ACOT12: variants seen among roughly 807,000 people sequenced by gnomAD.
ACOT12 encodes the protein acetyl-coenzyme A thioesterase.
ACOT12 carries 51 observed loss-of-function variants against 67.7 expected under a neutral mutation model. The ratio of observed to expected loss-of-function variants is 0.75; its 90% CI spans 0.60 to 0.95. ACOT12 has a LOEUF of 0.95. ACOT12 is among the 40% of genes least tolerant of loss of function. The probability of loss-of-function intolerance (pLI) is 0.00; values close to 1 mark genes in which losing one functional copy is unlikely to be tolerated. For missense variants in ACOT12, 734 were observed against 708.1 expected, an observed-to-expected ratio of 1.04 and a Z score of -0.41; for synonymous variants, 251 against 244.6, an observed-to-expected ratio of 1.03 and a Z score of -0.24.
intron 3 of ACOT12, 45 bp from the exon 4 acceptor site, chr5:81,363,934 G>C (rs765440916): frequency 1.5e-6 from 2 of 1,374,444 alleles, no homozygotes; most frequent in South Asian, 3.4e-5. Flanking sequence ...GGCCAGTTCA[G>C]ATTTCAGCAT....
chr5:81,327,539 C>T (rs1758704410), downstream of ACOT12, among the ~76,000 whole-genome samples: 1 of 152,210 alleles, frequency 6.6e-6, no homozygotes. Context: ...CTCCCAGGTT[C>T]AAGCAATTCT....
intron 7 of ACOT12, among the ~76,000 whole-genome samples, chr5:81,345,564 T>C (rs1400334532): frequency 6.6e-6 from 1 of 151,998 alleles, no homozygotes; most frequent in Non-Finnish European, 1.5e-5. Flanking sequence ...CCATTATGAG[T>C]TGATTGACCA....
At chr5:81,377,413 C>G (rs1369690362) in intron 2 of ACOT12, among the ~76,000 whole-genome samples, 1 of 152,060 alleles carries the variant, frequency 6.6e-6, no homozygotes, top group East Asian at 1.9e-4. Context: ...GGAAGCATTC[C>G]CTTTGAAAAC....
the ACOT12 span, among the ~76,000 whole-genome samples, chr5:81,323,401 C>T: frequency 6.6e-6 from 1 of 152,218 alleles, no homozygotes; most frequent in Non-Finnish European, 1.5e-5. Context: ...GTCTGTTCCA[C>T]GTGTCTCTCT....
the ACOT12 span, chr5:81,311,087 C>G: frequency 2.2e-6 from 2 of 921,982 alleles, no homozygotes; most frequent in Non-Finnish European, 1.8e-6. Context: ...CCCTATGATC[C>G]TGGTCTAGCT....
intron 1 of ACOT12, among the ~76,000 whole-genome samples, chr5:81,389,194 G>A (rs759809404): frequency 2.0e-5 from 3 of 152,168 alleles, no homozygotes; most frequent in African/African-American, 7.2e-5. Flanking sequence ...GGAGGGGAAG[G>A]CCTGCTGAGC....
chr5:81,335,623 C>A, intron 12 of ACOT12, 145 bp downstream of exon 12: 1 of 1,016,584 alleles, frequency 9.8e-7, no homozygotes, highest in African/African-American at 1.6e-5. Context: ...CTCAGCCTCC[C>A]AAAGTGCTAT....
At chr5:81,343,710 T>C (rs1269746770) in intron 10 of ACOT12, 108 bp downstream of exon 10, 2 of 1,068,872 alleles carry the variant, frequency 1.9e-6, no homozygotes, top group Non-Finnish European at 1.4e-6. Flanking sequence ...ATAATCCACC[T>C]TTTCACATAG....
In ACOT12 at chr5:81,363,782, A is replaced by G; in HGVS notation, c.360+6T>C. ...TGCTAGATACATCTTCACATACAAA[A>G]TTTACCTTTTCTTTTCCAACTGGTT... On this transcript the variant is annotated splice_donor_region_variant and intron_variant, in intron 4 of 14. Coordinates refer to ENST00000307624, the MANE Select transcript of ACOT12 (RefSeq NM_130767.3). 1 of 1,605,534 alleles carries G rather than the reference A, an allele frequency of 6.2e-7. No homozygotes were observed. Among genetic ancestry groups the G allele is most frequent in the Non-Finnish European group, 8.5e-7 (1 of 1,175,914 alleles).
intron 1 of ACOT12, among the ~76,000 whole-genome samples, chr5:81,392,505 A>C (rs1160767352): frequency 6.6e-6 from 1 of 152,180 alleles, no homozygotes; most frequent in East Asian, 1.9e-4. Context: ...TGGTTTCCAA[A>C]GATGTCAGGT....
At chr5:81,309,060 T>C in the ACOT12 span, 9 of 1,549,832 alleles carry the variant, frequency 5.8e-6, no homozygotes, top group African/African-American at 5.5e-5. Flanking sequence ...TACCCTCATA[T>C]AGCAGAAATG....
At chr5:81,317,244 G>C in the ACOT12 span, among the ~76,000 whole-genome samples, 2 of 152,140 alleles carry the variant, frequency 1.3e-5, no homozygotes, top group African/African-American at 4.8e-5. Flanking sequence ...GCTCACGCCT[G>C]TAATCCCAGC....
At chr5:81,343,095 C>T (rs1580539283) in intron 10 of ACOT12, among the ~76,000 whole-genome samples, 1 of 151,944 alleles carries the variant, frequency 6.6e-6, no homozygotes, top group Non-Finnish European at 1.5e-5. Flanking sequence ...GCAGAAGAAT[C>T]GCTTGAACCC....
chr5:81,388,222 C>T (rs901999203), intron 1 of ACOT12, among the ~76,000 whole-genome samples: 10 of 152,194 alleles, frequency 6.6e-5, no homozygotes, highest in African/African-American at 1.7e-4. Context: ...CAGAGAAGGA[C>T]GTGGCTAAAT....
chr5:81,365,963 A>T (rs186852711), intron 3 of ACOT12, among the ~76,000 whole-genome samples: 1 of 152,250 alleles, frequency 6.6e-6, no homozygotes, highest in South Asian at 2.1e-4. Flanking sequence ...GTGAAACCCC[A>T]GACAAGAACA....
chr5:81,378,432 A>G (rs548212170), intron 2 of ACOT12, among the ~76,000 whole-genome samples: 9 of 152,320 alleles, frequency 5.9e-5, no homozygotes, highest in Non-Finnish European at 1.3e-4. Context: ...GTGGGCAAAG[A>G]CTTCATGACT....
At chr5:81,315,490 A>G in the ACOT12 span, among the ~76,000 whole-genome samples, 1 of 152,252 alleles carries the variant, frequency 6.6e-6, no homozygotes, top group Non-Finnish European at 1.5e-5. Flanking sequence ...GAGGGCAGGA[A>G]TTTTGATTCT....
At chr5:81,317,122 C>A in the ACOT12 span, among the ~76,000 whole-genome samples, 1 of 152,042 alleles carries the variant, frequency 6.6e-6, no homozygotes, top group Non-Finnish European at 1.5e-5. Flanking sequence ...TGATGTCACA[C>A]CTAGGAAACC....
intron 13 of ACOT12, 44 bp from the exon 14 acceptor site, chr5:81,330,984 A>T: frequency 6.5e-7 from 1 of 1,527,334 alleles, no homozygotes; most frequent in East Asian, 2.3e-5. Flanking sequence ...AATAAAGAAT[A>T]GTTGTTAGAA....
Sources: gnomAD v4.1 joint callset for allele counts (sites outside exome capture counted in the v4.1 genomes callset) on GRCh38, gnomAD v4.1.1 for gene constraint, MANE v1.5 for transcripts, NCBI Gene and HGNC (gene_info 2026-07-23, HGNC 2026-07-21) for gene names.